The following PTN variants were observed in gnomAD, a reference collection of about 807,000 sequenced individuals.
PTN encodes heparin affin regulatory protein.
In PTN, 18 loss-of-function variants were observed where a neutral mutation model predicts 24.1. The observed-to-expected ratio is 0.75, with a 90% confidence interval of 0.52 to 1.11. The LOEUF is 1.11. Ranked by LOEUF, PTN falls within the 50% of genes least tolerant of loss-of-function variation. The pLI is 0.00. For missense variants in PTN, 163 were observed against 198.8 expected, an observed-to-expected ratio of 0.82 and a Z score of 1.08; for synonymous variants, 78 against 68.6, an observed-to-expected ratio of 1.14 and a Z score of -0.67.
chr7:137,253,104 A>G (rs371753209), intron 3 of PTN, among the ~76,000 whole-genome samples: 6 of 152,322 alleles, frequency 3.9e-5, no homozygotes, highest in African/African-American at 1.4e-4. Context: ...GGAATCAAGG[A>G]TATATTTTAT....
chr7:137,253,677 C>T (rs758915997), intron 2 of PTN, 40 bp from the exon 3 acceptor site: 86 of 1,440,528 alleles, frequency 6.0e-5, no homozygotes, highest in Non-Finnish European at 7.7e-5. Context: ...ATACAGAAAA[C>T]TCCTTAACTT....
At chr7:137,267,887 A>G (rs1321605464) in intron 1 of PTN, among the ~76,000 whole-genome samples, 1 of 152,228 alleles carries the variant, frequency 6.6e-6, no homozygotes, top group Non-Finnish European at 1.5e-5. Flanking sequence ...GTGCCGATAC[A>G]GGCATACCAT....
chr7:137,301,116 A>G (rs996307600), intron 1 of PTN, among the ~76,000 whole-genome samples: 1 of 152,046 alleles, frequency 6.6e-6, no homozygotes, highest in African/African-American at 2.4e-5. Flanking sequence ...GCTTCTGCTA[A>G]CAACATCCTT....
chr7:137,331,338 C>T (rs910414880), intron 1 of PTN, among the ~76,000 whole-genome samples: 2 of 152,252 alleles, frequency 1.3e-5, no homozygotes, highest in African/African-American at 2.4e-5. Flanking sequence ...CCAGATATCA[C>T]GTATCAGAAG....
At chr7:137,278,865 C>G (rs1389293385) in intron 1 of PTN, among the ~76,000 whole-genome samples, 1 of 151,156 alleles carries the variant, frequency 6.6e-6, no homozygotes, top group Non-Finnish European at 1.5e-5. Context: ...TGCGTGAACC[C>G]GGGAGGCAGA....
intron 1 of PTN, among the ~76,000 whole-genome samples, chr7:137,331,561 AAT>A (rs1810360032): frequency 6.6e-6 from 1 of 152,146 alleles, no homozygotes; most frequent in Non-Finnish European, 1.5e-5. Flanking sequence ...CGTCATTCCA[AAT>A]AATAACAGAG....
At chr7:137,251,986 C>T (rs1808835426) in intron 3 of PTN, among the ~76,000 whole-genome samples, 2 of 151,772 alleles carry the variant, frequency 1.3e-5, no homozygotes, top group Non-Finnish European at 2.9e-5. Context: ...AATAGAACTG[C>T]TATATAAATT....
intron 1 of PTN, among the ~76,000 whole-genome samples, chr7:137,288,099 T>C (rs996083845): frequency 6.6e-6 from 1 of 152,150 alleles, no homozygotes; most frequent in African/African-American, 2.4e-5. Context: ...GTGGTATAAG[T>C]TGAATCTTTC....
chr7:137,280,782 G>T lies in PTN; in HGVS notation c.-1-25808C>A, dbSNP rs182578922. On this transcript the variant is annotated intron_variant, in intron 1 of 4. Transcript: ENST00000348225. ...AGCTACTTGGGAGGCTGAGGCCCAA[G>T]AATTGGTTAAACCTGGGAGGCAGAG... Among the ~76,000 whole-genome samples, 88 of 140,614 alleles carry T rather than the reference G, an allele frequency of 6.3e-4. No individual in the cohort carries two copies. The East Asian group carries it at 0.017, about 28-fold the overall frequency. The allele number at this position is 140,614 out of a possible 152,430, so 92.2% of individuals were successfully genotyped here.
At chr7:137,281,154 G>A (rs1026067743) in intron 1 of PTN, among the ~76,000 whole-genome samples, 2 of 151,932 alleles carry the variant, frequency 1.3e-5, no homozygotes, top group East Asian at 1.9e-4. Flanking sequence ...AATATGCCAC[G>A]TGACCTAATG....
Position 137,254,659 on chromosome 7 carries a change from C to G in PTN, c.115+200G>C, listed in dbSNP as rs547369307. Among the ~76,000 whole-genome samples the G allele has an allele frequency of 5.3e-5, 8 of 151,890 alleles. No individual in the cohort carries two copies. The East Asian group carries it at 1.6e-3, about 29-fold the overall frequency. ...TAATGATCATCATCGTCATGCAATC[C>G]AAGACTTACAATGGGAGAAAAATAA... On this transcript the variant is annotated intron_variant, in intron 2 of 4. Coordinates refer to ENST00000348225, the MANE Select transcript of PTN (RefSeq NM_002825.7).
At chr7:137,294,857 T>G (rs746850349) in intron 1 of PTN, among the ~76,000 whole-genome samples, 23 of 152,192 alleles carry the variant, frequency 1.5e-4, no homozygotes, top group Non-Finnish European at 2.8e-4. Context: ...CAGATATCAC[T>G]GCTGTTTTGC....
intron 4 of PTN, among the ~76,000 whole-genome samples, chr7:137,239,596 T>C (rs1160276087): frequency 3.3e-5 from 5 of 151,370 alleles, no homozygotes; most frequent in African/African-American, 1.2e-4. Flanking sequence ...TTTCCCTTCC[T>C]GTGTCCATGT....
intron 1 of PTN, among the ~76,000 whole-genome samples, chr7:137,331,924 T>C (rs558522869): frequency 6.6e-6 from 1 of 152,334 alleles, no homozygotes; most frequent in East Asian, 1.9e-4. Flanking sequence ...CAAAGACTTT[T>C]ATTTGTTTGT....
chr7:137,304,533 A>G (rs923955528), intron 1 of PTN, among the ~76,000 whole-genome samples: 2 of 152,028 alleles, frequency 1.3e-5, no homozygotes, highest in African/African-American at 2.4e-5. Context: ...TATTGCCTGA[A>G]AAGAGAACTA....
At chr7:137,239,549 C>G (rs370775726) in intron 4 of PTN, among the ~76,000 whole-genome samples, 22 of 152,120 alleles carry the variant, frequency 1.4e-4, no homozygotes, top group South Asian at 4.1e-4. Context: ...ATCCCTCCCC[C>G]CTCCTCCCAC....
At chr7:137,300,154 T>C (rs1809784263) in intron 1 of PTN, among the ~76,000 whole-genome samples, 1 of 151,908 alleles carries the variant, frequency 6.6e-6, no homozygotes. Flanking sequence ...ACATTGATAT[T>C]ACATTAAAAT....
Position 137,227,992 on chromosome 7 carries a change from C to T in PTN, c.*28G>A. 1 of 1,603,192 alleles carries T rather than the reference C, an allele frequency of 6.2e-7. No homozygotes were observed. Reference sequence around the variant, plus strand: ...GTTAACTGATCCTGTTTGCTGATGTCCTTTTTATGTTCCACAGGTGACATC... The same window carrying T: ...GTTAACTGATCCTGTTTGCTGATGTTCTTTTTATGTTCCACAGGTGACATC... On this transcript the variant is annotated 3_prime_UTR_variant, in exon 5 of 5. Transcript: ENST00000348225.
chr7:137,229,800 C>A (rs975202223), intron 4 of PTN, among the ~76,000 whole-genome samples: 1 of 151,784 alleles, frequency 6.6e-6, no homozygotes, highest in Admixed American at 6.6e-5. Flanking sequence ...ACCAGAATTT[C>A]CAAGTGAAAG....
Sources: gnomAD v4.1 joint callset for allele counts (sites outside exome capture counted in the v4.1 genomes callset) on GRCh38, gnomAD v4.1.1 for gene constraint, MANE v1.5 for transcripts, NCBI Gene and HGNC (gene_info 2026-07-23, HGNC 2026-07-21) for gene names.